KDM1B: variants seen among roughly 807,000 people sequenced by gnomAD.
The protein encoded by KDM1B is lysine demethylase 1B.
KDM1B carries 63 observed loss-of-function variants against 107.4 expected under a neutral mutation model. The ratio of observed to expected loss-of-function variants is 0.59; its 90% CI spans 0.48 to 0.72. The LOEUF is 0.72. KDM1B is among the 30% of genes least tolerant of loss of function. KDM1B has a pLI of 0.00. For synonymous variants in KDM1B, 363 were observed against 363.9 expected, an observed-to-expected ratio of 1.00 and a Z score of 0.03; for missense variants, 749 against 1,020.8, an observed-to-expected ratio of 0.73 and a Z score of 3.63.
At chr6:18,185,479 T>G (rs530435490) in intron 7 of KDM1B, among the ~76,000 whole-genome samples, 1 of 152,278 alleles carries the variant, frequency 6.6e-6, no homozygotes, top group South Asian at 2.1e-4. Context: ...TTTTTATATT[T>G]TTAGTAGAGA....
At chr6:18,163,340 G>A (rs1244382299) in intron 5 of KDM1B, among the ~76,000 whole-genome samples, 4 of 152,212 alleles carry the variant, frequency 2.6e-5, no homozygotes, top group East Asian at 1.9e-4. Flanking sequence ...GATTACAGGC[G>A]TGAGCCACTG....
chr6:18,217,724 T>C lies in KDM1B; in HGVS notation c.2233-9T>C. 8 of 1,609,578 alleles carry C rather than the reference T, an allele frequency of 5.0e-6. No individual in the cohort carries two copies. The highest frequency in any genetic ancestry group is 6.8e-6 in the Non-Finnish European group (8 of 1,178,330). On this transcript the variant is annotated splice_polypyrimidine_tract_variant and intron_variant, in intron 20 of 21. Transcript: ENST00000650836. ...ATCCTACTTCATAATTCCTTTCTAT[T>C]GGACATAGGAGGTCCCAGATCCCAC...
Position 18,214,986 on chromosome 6 carries a change from C to T in KDM1B, c.2110-21C>T, listed in dbSNP as rs1221924426. The T allele has an allele frequency of 1.2e-6, 2 of 1,612,720 alleles. No homozygotes were observed. Among genetic ancestry groups the T allele is most frequent in the Admixed American group, 1.7e-5 (1 of 59,860 alleles). ...GAGCTGAGCACTCACAGACCTCCTG[C>T]TTTTCCTTTCATGTCTCCAGAAGAA... On this transcript the variant is annotated intron_variant, in intron 19 of 21. Transcript: ENST00000650836. This position sits in a 1 kb window ranked among gnomAD's most constrained non-coding sequence, Gnocchi z 4.4.
chr6:18,221,999 G>A lies in KDM1B; in HGVS notation c.*7G>A, dbSNP rs1342992352. The A allele has an allele frequency of 6.2e-6, 10 of 1,613,112 alleles. No individual in the cohort carries two copies. In the East Asian group the frequency reaches 6.7e-5, roughly 11 times the overall value. On this transcript the variant is annotated 3_prime_UTR_variant, in exon 22 of 22. Coordinates refer to ENST00000650836, the MANE Select transcript of KDM1B (RefSeq NM_001364614.2). ...CAAGATTGCAGCATTTTAAGAATTC[G>A]GTGGACCCAGCTTTCTTCTGTACCC...
In KDM1B at chr6:18,162,063, G is replaced by A. The variant is rs969554084; in HGVS notation, c.215+609G>A. 2.0e-5 allele frequency among the ~76,000 whole-genome samples: 3 copies of A among 152,128 alleles called. No individual in the cohort carries two copies. The highest frequency in any genetic ancestry group is 4.8e-5 in the African/African-American group (2 of 41,420). On this transcript the variant is annotated intron_variant, in intron 4 of 21. Coordinates refer to ENST00000650836, the MANE Select transcript of KDM1B (RefSeq NM_001364614.2). This position sits in a 1 kb window ranked among gnomAD's most constrained non-coding sequence, Gnocchi z 4.1. ...GGGCCAGGCATGGTGGCATGCGCCTGTAATCCCAGCACTTTGAGAGACCAA... is the reference window on the plus strand; with the variant it reads ...GGGCCAGGCATGGTGGCATGCGCCTATAATCCCAGCACTTTGAGAGACCAA...
chr6:18,163,770 A>G (rs770714197), intron 5 of KDM1B, among the ~76,000 whole-genome samples: 28 of 152,192 alleles, frequency 1.8e-4, no homozygotes, highest in Admixed American at 7.9e-4. Context: ...TAGTTCAGCA[A>G]TGGTCTGAGA....
chr6:18,210,662 A>T (rs955854331), intron 17 of KDM1B, among the ~76,000 whole-genome samples: 2 of 151,920 alleles, frequency 1.3e-5, no homozygotes, highest in African/African-American at 4.8e-5. Context: ...CACCTGGGCT[A>T]CTCAAGTTCT....
chr6:18,178,518 G>A (rs12191067), intron 7 of KDM1B, among the ~76,000 whole-genome samples: 2,510 of 152,014 alleles, frequency 0.017, 38 homozygotes, highest in Non-Finnish European at 0.024. Flanking sequence ...TCAGCCTCCC[G>A]AGTAGCAGGG....
chr6:18,175,221 C>A (rs1012332059), intron 7 of KDM1B, among the ~76,000 whole-genome samples: 1 of 152,154 alleles, frequency 6.6e-6, no homozygotes, highest in Non-Finnish European at 1.5e-5. Context: ...TTTCGACTTG[C>A]GTTTCCCCAA....
rs9465116 is a variant in KDM1B, at chr6:18,204,586, G to T, written c.1532-951G>T. Among the ~76,000 whole-genome samples, 2,815 of 152,314 alleles carry T rather than the reference G, an allele frequency of 0.018. 69 individuals carry two copies. Among genetic ancestry groups the T allele is most frequent in the African/African-American group, 0.064 (2,659 of 41,548 alleles). The stretch of plus-strand genomic sequence containing the variant: ...GTTGTAAAGAAGTAACCTGTACTGA[G>T]ATGCTTAGAATTAGTCAGACATCAA... On this transcript the variant is annotated intron_variant, in intron 14 of 21. Coordinates refer to ENST00000650836, the MANE Select transcript of KDM1B (RefSeq NM_001364614.2). The surrounding 1 kb of genome is among the most constrained non-coding windows in gnomAD (Gnocchi z 4.9).
chr6:18,158,697 T>G (rs1784786570), intron 2 of KDM1B, among the ~76,000 whole-genome samples: 1 of 152,242 alleles, frequency 6.6e-6, no homozygotes, highest in Non-Finnish European at 1.5e-5. Flanking sequence ...TGTATATTAC[T>G]GAGTACTTAT....
At position 18,170,523 on chromosome 6, in the gene KDM1B, G is replaced by A. The variant is rs57936868; in HGVS notation, c.418-840G>A. On this transcript the variant is annotated intron_variant, in intron 6 of 21. Transcript: ENST00000650836. Reference sequence around the variant, plus strand: ...TAGACAGGGTCTCAGTCTGTTTCCCGGGCTGGAGTGCAGTGGTATAATCTC... The same window carrying A: ...TAGACAGGGTCTCAGTCTGTTTCCCAGGCTGGAGTGCAGTGGTATAATCTC... 2.5e-3 allele frequency among the ~76,000 whole-genome samples: 384 copies of A among 151,296 alleles called. 11 individuals carry two copies. The East Asian group carries it at 0.066, about 26-fold the overall frequency.
Position 18,205,888 on chromosome 6 carries a change from A to T in KDM1B, c.1659+224A>T, listed in dbSNP as rs1273977152. On this transcript the variant is annotated intron_variant, in intron 15 of 21. Coordinates refer to ENST00000650836, the MANE Select transcript of KDM1B (RefSeq NM_001364614.2). This position sits in a 1 kb window ranked among gnomAD's most constrained non-coding sequence, Gnocchi z 5.7. The stretch of plus-strand genomic sequence containing the variant: ...ATACCTGTAGTCCCAGCTACTCGGG[A>T]GGCTGAGGCAGGGGAATCGCTTGAA... 6.6e-6 allele frequency among the ~76,000 whole-genome samples: 1 copy of T among 152,120 alleles called. No homozygotes were observed. The highest frequency in any genetic ancestry group is 1.5e-5 in the Non-Finnish European group (1 of 68,016).
At chr6:18,169,503 G>T (rs1785519260) in intron 6 of KDM1B, among the ~76,000 whole-genome samples, 1 of 152,168 alleles carries the variant, frequency 6.6e-6, no homozygotes, top group Non-Finnish European at 1.5e-5. Context: ...TGGGATTATA[G>T]GCGTGAGCCA....
At chr6:18,160,752 A>T (rs1453000347) in intron 3 of KDM1B, among the ~76,000 whole-genome samples, 2 of 148,516 alleles carry the variant, frequency 1.3e-5, no homozygotes, top group African/African-American at 5.0e-5. Flanking sequence ...AAAAAAATAG[A>T]GGGTATAACT....
intron 7 of KDM1B, among the ~76,000 whole-genome samples, chr6:18,177,997 C>G (rs1470177325): frequency 6.6e-6 from 1 of 152,106 alleles, no homozygotes; most frequent in Admixed American, 6.5e-5. Context: ...TTCTAATATT[C>G]ACTGAGGATA....
At chr6:18,156,382 G>A (rs1042933991) in intron 2 of KDM1B, among the ~76,000 whole-genome samples, 1 of 152,284 alleles carries the variant, frequency 6.6e-6, no homozygotes, top group East Asian at 1.9e-4. Context: ...CCTTGGGTAA[G>A]CCTGCAGGAC....
chr6:18,210,342 CTTTTTTTTTTTTTTTT>C (rs533016543), intron 17 of KDM1B, among the ~76,000 whole-genome samples: 41 of 70,008 alleles, frequency 5.9e-4, no homozygotes, highest in South Asian at 2.1e-3. Flanking sequence ...TCTTTCTTTT[CTTTTTTTTTTTTTTTT>C]TTTTTTTTTT....
intron 15 of KDM1B, among the ~76,000 whole-genome samples, chr6:18,207,192 T>C (rs910852283): frequency 6.6e-6 from 1 of 152,234 alleles, no homozygotes; most frequent in Middle Eastern, 3.4e-3. Flanking sequence ...GTCCAAGTCA[T>C]ATGGACCTTT....
Sources: gnomAD v4.1 joint callset for allele counts (sites outside exome capture counted in the v4.1 genomes callset) on GRCh38, gnomAD v4.1.1 for gene constraint, Gnocchi (gnomAD v3.1) non-coding constraint, MANE v1.5 for transcripts, NCBI Gene and HGNC (gene_info 2026-07-23, HGNC 2026-07-21) for gene names.